Variants in DPP4 observed in about 807,000 individuals in gnomAD.
DPP4 encodes the protein ADCP-2.
Under a neutral mutation model 122.4 loss-of-function variants are expected in DPP4, and 93 were observed. That is an observed-to-expected ratio of 0.76 (90% CI 0.64 to 0.90). DPP4 has a LOEUF of 0.90. Among genes scored for constraint, DPP4 ranks in the 40% least tolerant of loss-of-function variants. DPP4 has a pLI of 0.00. For synonymous variants in DPP4, 321 were observed against 302.9 expected, an observed-to-expected ratio of 1.06 and a Z score of -0.62; for missense variants, 914 against 907.3, an observed-to-expected ratio of 1.01 and a Z score of -0.09.
Position 162,016,826 on chromosome 2 carries a change from C to G in DPP4, c.1509G>C (p.Met503Ile). Residue 503 changes from methionine to isoleucine, a missense_variant, in exon 18 of 26, where the codon ATG becomes ATC. Transcript: ENST00000360534. The stretch of plus-strand genomic sequence containing the variant: ...TGGAGGGCATCTGGACATTCTGCAG[C>G]ATTTTATCCAAAGCTGAATTGTCTT... Reference protein sequence around the residue: ...VLEDNSALDKMLQNVQMPSKK... With the variant: ...VLEDNSALDKILQNVQMPSKK... 1 of 1,613,182 alleles carries G rather than the reference C, an allele frequency of 6.2e-7. No individual in the cohort carries two copies. Among genetic ancestry groups the G allele is most frequent in the Non-Finnish European group, 8.5e-7 (1 of 1,179,786 alleles).
intron 21 of DPP4, 144 bp downstream of exon 21, chr2:162,009,097 G>T: frequency 1.2e-6 from 1 of 802,088 alleles, no homozygotes; most frequent in Non-Finnish European, 2.1e-6. Context: ...ACTCAGTGGA[G>T]ATTCTGCAGA....
In DPP4 at chr2:162,020,226, C is replaced by T; in HGVS notation, c.1244+3G>A. 6.2e-7 allele frequency: 1 copy of T among 1,608,646 alleles called. No individual in the cohort carries two copies. The highest frequency in any genetic ancestry group is 1.1e-5 in the South Asian group (1 of 89,756). ...ATATCCTATCAATTGTTACAATACT[C>T]ACAGATAATCACTGGTTAGAGCTTC... On this transcript the variant is annotated splice_donor_region_variant and intron_variant, in intron 14 of 25. Transcript: ENST00000360534.
At chr2:162,046,131 G>A (rs1481804095) in intron 4 of DPP4, among the ~76,000 whole-genome samples, 1 of 152,196 alleles carries the variant, frequency 6.6e-6, no homozygotes, top group Admixed American at 6.5e-5. Context: ...GTGACACAGT[G>A]GCTGAAATGA....
intron 14 of DPP4, among the ~76,000 whole-genome samples, chr2:162,020,014 G>A (rs1265598096): frequency 2.6e-5 from 4 of 152,200 alleles, no homozygotes; most frequent in African/African-American, 9.7e-5. Flanking sequence ...AAGCAGGTAA[G>A]AGCAAGAGGT....
At chr2:162,063,930 C>T (rs1450473204) in intron 2 of DPP4, among the ~76,000 whole-genome samples, 1 of 152,070 alleles carries the variant, frequency 6.6e-6, no homozygotes, top group Admixed American at 6.5e-5. Context: ...TGCAAGGGGA[C>T]AGCTGGAGCC....
At chr2:162,007,307 A>C (rs1701306383) in intron 22 of DPP4, among the ~76,000 whole-genome samples, 1 of 152,110 alleles carries the variant, frequency 6.6e-6, no homozygotes, top group African/African-American at 2.4e-5. Flanking sequence ...GTAGCTGCAG[A>C]CTTTAATTCT....
chr2:161,994,111 A>T (rs926918395), intron 25 of DPP4, among the ~76,000 whole-genome samples: 3 of 152,232 alleles, frequency 2.0e-5, no homozygotes, highest in African/African-American at 7.2e-5. Context: ...AATTATGGAG[A>T]CATAAGTTAA....
At chr2:161,995,104 A>G (rs2106067506) in intron 24 of DPP4, 70 bp from the exon 25 acceptor site, 2 of 1,529,674 alleles carry the variant, frequency 1.3e-6, no homozygotes, top group Non-Finnish European at 1.8e-6. Context: ...AGGGGTGGGA[A>G]AGGCACAAGA....
intron 14 of DPP4, among the ~76,000 whole-genome samples, chr2:162,019,952 G>T (rs942784399): frequency 9.2e-5 from 14 of 152,150 alleles, no homozygotes; most frequent in Non-Finnish European, 2.1e-4. Flanking sequence ...CTCATTGCTA[G>T]TTCGGCGTTC....
At chr2:162,014,527 C>T in intron 18 of DPP4, 62 bp from the exon 19 acceptor site, 1 of 1,263,462 alleles carries the variant, frequency 7.9e-7, no homozygotes, top group South Asian at 1.3e-5. Flanking sequence ...GATTTTGTTC[C>T]TCATGTCCGT....
intron 20 of DPP4, 79 bp downstream of exon 20, chr2:162,011,714 C>T (rs1682713037): frequency 1.4e-6 from 2 of 1,414,548 alleles, no homozygotes; most frequent in South Asian, 1.3e-5. Context: ...AAATTATTTA[C>T]ACTTTACAGC....
chr2:162,054,306 A>C (rs951879911), intron 2 of DPP4, among the ~76,000 whole-genome samples: 8 of 152,226 alleles, frequency 5.3e-5, no homozygotes, highest in African/African-American at 1.9e-4. Context: ...AATTTGCCTC[A>C]GGGTGAAACT....
rs1329073926 is a variant in DPP4 at position 162,052,678 on chromosome 2, GT to G, written c.95-5178del. ...CTGGGTAATGGGTGATGCTGGAATA[GT>G]TTTGAAGTGCAGGCTAGAAAAAGCC... On this transcript the variant is annotated intron_variant, in intron 2 of 25. Transcript: ENST00000360534. Among the ~76,000 whole-genome samples the G allele has an allele frequency of 2.6e-5, 4 of 152,320 alleles. No individual in the cohort carries two copies. The East Asian group carries it at 7.7e-4, about 29-fold the overall frequency.
In DPP4 at chr2:161,993,072, A is replaced by G; in HGVS notation, c.*211T>C. Reference sequence around the variant, plus strand: ...TTTAAACAATAAAACCCGACCGGATAATTCAAACTTCTGTAAGGTAATAAT... The same window carrying G: ...TTTAAACAATAAAACCCGACCGGATGATTCAAACTTCTGTAAGGTAATAAT... On this transcript the variant is annotated 3_prime_UTR_variant, in exon 26 of 26. Transcript: ENST00000360534. 2.2e-6 allele frequency: 1 copy of G among 447,328 alleles called. No homozygotes were observed. The highest frequency in any genetic ancestry group is 3.4e-5 in the East Asian group (1 of 29,400). The allele number at this position is 447,328 out of a possible 1,614,324, so 27.7% of individuals were successfully genotyped here. A position where few individuals can be genotyped will look rare whatever the true frequency, so the allele number is the denominator to read the frequency against.
chr2:162,000,862 A>C (rs1701129413), intron 23 of DPP4, among the ~76,000 whole-genome samples: 1 of 152,140 alleles, frequency 6.6e-6, no homozygotes, highest in Non-Finnish European at 1.5e-5. Context: ...GTGTATTCAT[A>C]AATCTATCCC....
chr2:162,024,033 C>A (rs769900442), intron 11 of DPP4, among the ~76,000 whole-genome samples: 6 of 152,186 alleles, frequency 3.9e-5, no homozygotes, highest in Non-Finnish European at 8.8e-5. Context: ...ATGTGAGGCT[C>A]CAGGTCTGGG....
intron 22 of DPP4, 108 bp downstream of exon 22, chr2:162,008,454 G>T: frequency 1.2e-6 from 1 of 868,978 alleles, no homozygotes. Context: ...AGATGAATCA[G>T]CCTATTATTC....
chr2:162,073,719 C>A, intron 1 of DPP4: 3 of 673,054 alleles, frequency 4.5e-6, no homozygotes, highest in Non-Finnish European at 7.6e-6. Flanking sequence ...TTCTCTACCC[C>A]TGCCCGGGTT....
Position 162,005,809 on chromosome 2 carries a change from T to C in DPP4, c.1988A>G (p.Asp663Gly). Residue 663 changes from aspartate to glycine, a missense_variant and splice_region_variant, in exon 23 of 26, where the codon GAC (aspartate) becomes GGC (glycine). By Grantham distance (94) the Asp-to-Gly change is moderately conservative. Transcript: ENST00000360534. Reference sequence around the variant, plus strand: ...CATGTAACGTTCTGTGTACACTGAGTCTGTGAAAGAAAAAAAAATAAAAAA... The same window carrying C: ...CATGTAACGTTCTGTGTACACTGAGCCTGTGAAAGAAAAAAAAATAAAAAA... ...VAPVSRWEYY[D>G]SVYTERYMGL... 1.2e-6 allele frequency: 2 copies of C among 1,611,376 alleles called. No homozygotes were observed. The highest frequency in any genetic ancestry group is 1.7e-5 in the Admixed American group (1 of 59,734).
Sources: gnomAD v4.1 joint callset for allele counts (sites outside exome capture counted in the v4.1 genomes callset) on GRCh38, gnomAD v4.1.1 for gene constraint, MANE v1.5 for transcripts, NCBI Gene and HGNC (gene_info 2026-07-23, HGNC 2026-07-21) for gene names.